The following STAG1 variants were observed in gnomAD, a reference collection of about 807,000 sequenced individuals.
STAG1 encodes the protein STAG1 cohesin complex component, also known as cohesin subunit SA-1.
A neutral mutation model predicts 170.9 loss-of-function variants in STAG1; 26 were observed. That is an observed-to-expected ratio of 0.15 (90% CI 0.11 to 0.21). The LOEUF is 0.21. STAG1 is among the 10% of genes least tolerant of loss of function. STAG1 has a pLI of 1.00. For synonymous variants in STAG1, 514 were observed against 497.7 expected (o/e 1.03, Z -0.44); for missense variants, 964 against 1,509.5 (o/e 0.64, Z 5.99).
chr3:136,347,701 T>C (rs1262093124), intron 29 of STAG1, among the ~76,000 whole-genome samples: 3 of 152,218 alleles, frequency 2.0e-5, no homozygotes, highest in South Asian at 2.1e-4. Flanking sequence ...TGATGCTAGA[T>C]AGATATGAGG....
chr3:136,541,536 ATT>A (rs1491430791), intron 6 of STAG1, among the ~76,000 whole-genome samples: 2 of 136,202 alleles, frequency 1.5e-5, no homozygotes, highest in Admixed American at 7.5e-5. Flanking sequence ...GAAGCTTAAC[ATT>A]CACACACACA....
chr3:136,441,268 G>A (rs1490926882), intron 15 of STAG1, among the ~76,000 whole-genome samples: 1 of 151,980 alleles, frequency 6.6e-6, no homozygotes, highest in Non-Finnish European at 1.5e-5. Context: ...CCTGACCTCA[G>A]GTGATCCACC....
intron 1 of STAG1, among the ~76,000 whole-genome samples, chr3:136,669,314 G>A (rs886299084): frequency 2.6e-5 from 4 of 152,092 alleles, no homozygotes; most frequent in African/African-American, 7.2e-5. Flanking sequence ...ATTAATGGTC[G>A]TTGTTGTTTT....
At chr3:136,564,881 C>T (rs1320451451) in intron 5 of STAG1, among the ~76,000 whole-genome samples, 1 of 150,956 alleles carries the variant, frequency 6.6e-6, no homozygotes, top group Non-Finnish European at 1.5e-5. Flanking sequence ...GATTTGTGAG[C>T]AATCGCCATT....
In STAG1 at chr3:136,633,710, A is replaced by AAGGGGG. The variant is rs1491192814; in HGVS notation, c.-83-2730_-83-2729insCCCCCT. 1.1e-4 allele frequency among the ~76,000 whole-genome samples: 5 copies of AAGGGGG among 44,808 alleles called. 1 individual carries two copies. Among genetic ancestry groups the AAGGGGG allele is most frequent in the Non-Finnish European group, 2.0e-4 (5 of 25,638 alleles). 29.4% of individuals were successfully genotyped at this position (44,808 alleles called of 152,430 possible). A position where few individuals can be genotyped will look rare whatever the true frequency, so the allele number is the denominator to read the frequency against. ...GCAAAAGTTTCCATATCAAAAAAAA[A>AAGGGGG]GGGGGGGGGGGGGGTCAGGGGCACA... On this transcript the variant is annotated intron_variant, in intron 1 of 33. Transcript: ENST00000383202.
At chr3:136,688,857 C>A (rs1186839368) in intron 1 of STAG1, among the ~76,000 whole-genome samples, 2 of 152,146 alleles carry the variant, frequency 1.3e-5, no homozygotes, top group Non-Finnish European at 2.9e-5. Context: ...GGACAGCTTT[C>A]AAATTTATTA....
At chr3:136,457,401 C>T (rs2089145433) in intron 13 of STAG1, among the ~76,000 whole-genome samples, 2 of 152,150 alleles carry the variant, frequency 1.3e-5, no homozygotes, top group Non-Finnish European at 2.9e-5. Context: ...GCTTGATGCA[C>T]CGCTACCTTT....
chr3:136,447,808 G>A (rs1217620126), intron 14 of STAG1, among the ~76,000 whole-genome samples: 1 of 151,682 alleles, frequency 6.6e-6, no homozygotes, highest in Non-Finnish European at 1.5e-5. Flanking sequence ...TAGTAGAGAC[G>A]GGGTTTCACC....
At chr3:136,591,296 A>C (rs1431342556) in intron 4 of STAG1, 1 of 149,944 alleles carries the variant, frequency 6.7e-6, no homozygotes, top group Non-Finnish European at 1.5e-5. Context: ...GGAAGGTGGG[A>C]AGGCAGGAAG....
intron 3 of STAG1, among the ~76,000 whole-genome samples, chr3:136,614,046 C>G (rs1322837376): frequency 6.6e-6 from 1 of 152,102 alleles, no homozygotes; most frequent in Non-Finnish European, 1.5e-5. Flanking sequence ...GAAACCCCGT[C>G]TACACTAAAA....
intron 28 of STAG1, among the ~76,000 whole-genome samples, chr3:136,357,381 A>G (rs1157914155): frequency 1.3e-5 from 2 of 152,242 alleles, no homozygotes; most frequent in Non-Finnish European, 2.9e-5. Flanking sequence ...CTTTTGAAAC[A>G]AGTCAAATAG....
chr3:136,453,977 G>A (rs2089025463), intron 13 of STAG1, among the ~76,000 whole-genome samples: 3 of 152,032 alleles, frequency 2.0e-5, no homozygotes, highest in Admixed American at 6.6e-5. Flanking sequence ...AACTTATCTT[G>A]AAGCTATATC....
intron 21 of STAG1, among the ~76,000 whole-genome samples, chr3:136,413,557 CA>C (rs2087689927): frequency 6.6e-6 from 1 of 151,970 alleles, no homozygotes; most frequent in East Asian, 1.9e-4. Context: ...CTCCCAGGTG[CA>C]AGCGATTCTC....
Position 136,336,644 on chromosome 3 carries a change from C to A in STAG1, c.*1610G>T, listed in dbSNP as rs1935690150. On this transcript the variant is annotated 3_prime_UTR_variant, in exon 34 of 34. Transcript: ENST00000383202. ...TGGGAGAAAGTGAGGCCCCAGCTCCCCTAACTGGAGCCCAAGAATTGCTGA... is the reference window on the plus strand; with the variant it reads ...TGGGAGAAAGTGAGGCCCCAGCTCCACTAACTGGAGCCCAAGAATTGCTGA... The A allele has an allele frequency of 6.6e-6, 1 of 152,180 alleles. No homozygotes were observed. Among genetic ancestry groups the A allele is most frequent in the African/African-American group, 2.4e-5 (1 of 41,444 alleles). 9.4% of individuals were successfully genotyped at this position (152,180 alleles called of 1,614,324 possible). A position where few individuals can be genotyped will look rare whatever the true frequency, so the allele number is the denominator to read the frequency against.
intron 1 of STAG1, among the ~76,000 whole-genome samples, chr3:136,730,108 A>G (rs1257355791): frequency 4.6e-5 from 7 of 151,900 alleles, no homozygotes; most frequent in Non-Finnish European, 1.0e-4. Context: ...CTGTCACTGC[A>G]ACCTCAAGTT....
intron 16 of STAG1, among the ~76,000 whole-genome samples, chr3:136,425,392 T>C (rs2107734350): frequency 6.6e-6 from 1 of 152,268 alleles, no homozygotes; most frequent in Admixed American, 6.5e-5. Flanking sequence ...AATATATATA[T>C]CTGTATGTGT....
At position 136,500,823 on chromosome 3, in the gene STAG1, TAC is replaced by T. The variant is rs1933425756; in HGVS notation, c.829-529_829-528del. Among the ~76,000 whole-genome samples, 4 of 152,312 alleles carry T rather than the reference TAC, an allele frequency of 2.6e-5. No homozygotes were observed. The South Asian group carries it at 8.3e-4, about 32-fold the overall frequency. ...AGGATCCTGGCTACTTATGGTGAAG[TAC>T]AGTAACAAAATAAATAGTATCTATG... On this transcript the variant is annotated intron_variant, in intron 8 of 33. Coordinates refer to ENST00000383202, the MANE Select transcript of STAG1 (RefSeq NM_005862.3).
intron 1 of STAG1, among the ~76,000 whole-genome samples, chr3:136,694,466 A>ATT (rs1942818674): frequency 6.6e-6 from 1 of 152,192 alleles, no homozygotes; most frequent in Admixed American, 6.5e-5. Context: ...ATAAAAAAAA[A>ATT]TTAGCTGGGT....
intron 1 of STAG1, among the ~76,000 whole-genome samples, chr3:136,717,903 T>C (rs564119716): frequency 6.6e-6 from 1 of 152,292 alleles, no homozygotes; most frequent in East Asian, 1.9e-4. Context: ...TCTAAAGCTA[T>C]TTATTCTCAT....
Sources: allele counts gnomAD v4.1 joint callset (sites outside exome capture counted in the v4.1 genomes callset), GRCh38; gene constraint gnomAD v4.1.1; transcripts MANE v1.5; gene names NCBI Gene and HGNC (gene_info 2026-07-23, HGNC 2026-07-21).